The following PTPN13 variants were observed in gnomAD, a reference collection of about 807,000 sequenced individuals.
The protein encoded by PTPN13 is protein tyrosine phosphatase non-receptor type 13, also known as tyrosine-protein phosphatase non-receptor type 13.
Under a neutral mutation model 284.0 loss-of-function variants are expected in PTPN13, and 191 were observed. That is an observed-to-expected ratio of 0.67 (90% CI 0.60 to 0.76). PTPN13 has a LOEUF of 0.76. Ranked by LOEUF, PTPN13 falls within the 30% of genes least tolerant of loss-of-function variation. The pLI is 0.00. For missense variants in PTPN13, 2,797 were observed against 2,939.9 expected (o/e 0.95, Z 1.12); for synonymous variants, 986 against 1,022.3 (o/e 0.96, Z 0.68).
At chr4:86,714,581 C>T (rs1350876394) in intron 7 of PTPN13, among the ~76,000 whole-genome samples, 1 of 152,064 alleles carries the variant, frequency 6.6e-6, no homozygotes, top group African/African-American at 2.4e-5. Flanking sequence ...CTTCCCAAAT[C>T]CTCAAAATTC....
At chr4:86,628,997 T>C (rs1422754771) in intron 1 of PTPN13, among the ~76,000 whole-genome samples, 1 of 152,032 alleles carries the variant, frequency 6.6e-6, no homozygotes, top group Non-Finnish European at 1.5e-5. Context: ...GCATGATTTA[T>C]AGTCCTTTGG....
chr4:86,609,849 A>G lies in PTPN13; in HGVS notation c.-6+15060A>G, dbSNP rs540685109. ...AAATATTGGGTACAACCGAAGTTGT[A>G]CTTCGGGGGACTTAGATCTATTTCA... On this transcript the variant is annotated intron_variant, in intron 1 of 47. Coordinates refer to ENST00000411767, the MANE Select transcript of PTPN13 (RefSeq NM_080683.3). 9.2e-5 allele frequency among the ~76,000 whole-genome samples: 14 copies of G among 152,300 alleles called. No homozygotes were observed. The East Asian group carries it at 1.7e-3, about 19-fold the overall frequency.
chr4:86,606,085 A>G (rs2149174615), intron 1 of PTPN13, among the ~76,000 whole-genome samples: 1 of 152,008 alleles, frequency 6.6e-6, no homozygotes, highest in East Asian at 1.9e-4. Flanking sequence ...TGATTTTTTT[A>G]GTAGTTTCTA....
At chr4:86,793,982 C>CA (rs927227347) in intron 40 of PTPN13, among the ~76,000 whole-genome samples, 65 of 151,840 alleles carry the variant, frequency 4.3e-4, no homozygotes, top group South Asian at 8.3e-4. Flanking sequence ...TAGCAGAAGG[C>CA]AAAAAATAAC....
chr4:86,747,172 A>G (rs1001149557), intron 17 of PTPN13, among the ~76,000 whole-genome samples: 4 of 152,262 alleles, frequency 2.6e-5, no homozygotes, highest in Non-Finnish European at 5.9e-5. Context: ...CATTTCTTAT[A>G]CTGAAGAACA....
Position 86,814,564 on chromosome 4 carries a change from C to G in PTPN13, c.*13C>G. On this transcript the variant is annotated 3_prime_UTR_variant, in exon 48 of 48. Coordinates refer to ENST00000411767, the MANE Select transcript of PTPN13 (RefSeq NM_080683.3). ...GCTTCTGAAGTGACATGAAAAGAGCCTCTGGATGCATTTCCATTTCTCTCC... is the reference window on the plus strand; with the variant it reads ...GCTTCTGAAGTGACATGAAAAGAGCGTCTGGATGCATTTCCATTTCTCTCC... The G allele has an allele frequency of 6.3e-7, 1 of 1,588,696 alleles. No homozygotes were observed. Among genetic ancestry groups the G allele is most frequent in the Non-Finnish European group, 8.6e-7 (1 of 1,157,736 alleles).
intron 26 of PTPN13, 73 bp from the exon 27 acceptor site, chr4:86,766,359 T>C: frequency 8.2e-7 from 1 of 1,218,988 alleles, no homozygotes. Flanking sequence ...AACAAATGAA[T>C]ACGAAATAAG....
chr4:86,735,700 C>T lies in PTPN13; in HGVS notation c.2258C>T (p.Thr753Ile), dbSNP rs1735415466. 1 of 1,612,590 alleles carries T rather than the reference C, an allele frequency of 6.2e-7. No homozygotes were observed. Among genetic ancestry groups the T allele is most frequent in the Non-Finnish European group, 8.5e-7 (1 of 1,179,440 alleles). ...GAAGAGTTACCCAAATTGCATAATA[C>T]CTATGTGGGAGCTTCTGAAAAAGAG... is the stretch of plus-strand genomic sequence containing the variant. ...IKEELPKLHN[T>I]YVGASEKETE... The change falls in exon 15 of 48, where the codon ACC becomes ATC. Residue 753 changes from threonine (T) to isoleucine (I), a missense_variant. Coordinates refer to ENST00000411767, the MANE Select transcript of PTPN13 (RefSeq NM_080683.3).
At chr4:86,747,581 C>T (rs549495260) in intron 17 of PTPN13, among the ~76,000 whole-genome samples, 13 of 127,786 alleles carry the variant, frequency 1.0e-4, no homozygotes, top group African/African-American at 2.9e-4. Flanking sequence ...GCAGCAGCAG[C>T]AGTAGTAGTA....
intron 1 of PTPN13, among the ~76,000 whole-genome samples, chr4:86,616,698 A>G (rs1720586141): frequency 6.6e-6 from 1 of 152,048 alleles, no homozygotes; most frequent in South Asian, 2.1e-4. Flanking sequence ...TGCTTTCACC[A>G]TGTGATGTGC....
chr4:86,810,909 G>A, intron 46 of PTPN13, 137 bp from the exon 47 acceptor site: 1 of 659,768 alleles, frequency 1.5e-6, no homozygotes, highest in Non-Finnish European at 2.4e-6. Context: ...ATTTTGTCCA[G>A]GAGAGTTTCC....
intron 2 of PTPN13, among the ~76,000 whole-genome samples, chr4:86,664,664 C>T (rs1205892240): frequency 6.6e-6 from 1 of 152,020 alleles, no homozygotes; most frequent in Non-Finnish European, 1.5e-5. Context: ...AGTATTTTGG[C>T]ATGTAATTTT....
intron 35 of PTPN13, among the ~76,000 whole-genome samples, chr4:86,778,117 TTATC>T (rs1029383119): frequency 7.9e-5 from 12 of 152,200 alleles, no homozygotes; most frequent in African/African-American, 2.9e-4. Flanking sequence ...TTCATTGTGT[TTATC>T]TACCCTCTTT....
chr4:86,701,400 G>T lies in PTPN13; in HGVS notation c.794G>T (p.Arg265Leu), dbSNP rs757686478. The T allele has an allele frequency of 2.5e-6, 4 of 1,613,522 alleles. No individual in the cohort carries two copies. The highest frequency in any genetic ancestry group is 3.4e-6 in the Non-Finnish European group (4 of 1,179,658). ...GACATTTTATCAGATAATTCTGGAC[G>T]TGAAGATTCTGAAAATACATTCTCC... ...FKDILSDNSG[R>L]EDSENTFSPY... Residue 265 changes from arginine to leucine, a missense_variant, in exon 7 of 48, where the codon CGT (arginine) becomes CTT (leucine). Physicochemically the swap from Arg to Leu is moderately radical, Grantham distance 102 (BLOSUM62 -2). Transcript: ENST00000411767.
At chr4:86,768,953 G>A (rs764448699) in intron 28 of PTPN13, among the ~76,000 whole-genome samples, 2 of 151,634 alleles carry the variant, frequency 1.3e-5, no homozygotes, top group Non-Finnish European at 1.5e-5. Context: ...CAGGTGATCC[G>A]CCCTCCTCAG....
At chr4:86,714,863 G>A (rs991123097) in intron 7 of PTPN13, among the ~76,000 whole-genome samples, 2 of 152,070 alleles carry the variant, frequency 1.3e-5, no homozygotes, top group Admixed American at 1.3e-4. Flanking sequence ...TTTAGTTGAG[G>A]AAACAAACAA....
intron 15 of PTPN13, 33 bp downstream of exon 15, chr4:86,735,779 G>C (rs762207073): frequency 6.3e-7 from 1 of 1,581,524 alleles, no homozygotes; most frequent in South Asian, 1.2e-5. Context: ...GATAAGCTTT[G>C]TATCTTTTCC....
chr4:86,650,282 TG>T (rs1292038098), intron 2 of PTPN13, among the ~76,000 whole-genome samples: 2 of 152,124 alleles, frequency 1.3e-5, no homozygotes, highest in African/African-American at 4.8e-5. Flanking sequence ...CTACAACGTC[TG>T]GCCTTCATCA....
intron 40 of PTPN13, among the ~76,000 whole-genome samples, chr4:86,792,159 C>G (rs1368346541): frequency 6.6e-6 from 1 of 152,034 alleles, no homozygotes; most frequent in African/African-American, 2.4e-5. Context: ...TAGAGAAGAC[C>G]TTAAATGACC....
Sources: allele counts gnomAD v4.1 joint callset (sites outside exome capture counted in the v4.1 genomes callset), GRCh38; gene constraint gnomAD v4.1.1; transcripts MANE v1.5; gene names NCBI Gene and HGNC (gene_info 2026-07-23, HGNC 2026-07-21).